The following PLAAT1 variants were observed in gnomAD, a reference collection of about 807,000 sequenced individuals.
PLAAT1 encodes the protein H-REV107 protein-related protein.
A neutral mutation model predicts 16.4 loss-of-function variants in PLAAT1; 13 were observed. The observed-to-expected ratio is 0.79, with a 90% confidence interval of 0.52 to 1.26. The LOEUF is 1.26. Ranked by LOEUF, PLAAT1 falls within the 50% of genes most tolerant of loss-of-function variation. PLAAT1 has a pLI of 0.00. For missense variants in PLAAT1, 218 were observed against 207.8 expected, an observed-to-expected ratio of 1.05 and a Z score of -0.30; for synonymous variants, 73 against 78.4, an observed-to-expected ratio of 0.93 and a Z score of 0.36.
downstream of PLAAT1, chr3:193,275,247 A>C (rs756610216): frequency 4.3e-6 from 7 of 1,614,128 alleles, no homozygotes; most frequent in Non-Finnish European, 5.1e-6. Context: ...TTTAGAGTAG[A>C]ATCCAAATTC....
intron 1 of PLAAT1, among the ~76,000 whole-genome samples, chr3:193,245,944 T>C (rs914793060): frequency 6.6e-5 from 10 of 152,248 alleles, no homozygotes; most frequent in Non-Finnish European, 1.3e-4. Context: ...CCATAGCAAA[T>C]GTGCAGTTTA....
chr3:193,278,248 C>A (rs1037343010), downstream of PLAAT1, among the ~76,000 whole-genome samples: 1 of 152,206 alleles, frequency 6.6e-6, no homozygotes, highest in Non-Finnish European at 1.5e-5. Context: ...CTTGGGTTTT[C>A]ATTTCCTAAT....
downstream of PLAAT1, chr3:193,279,575 TATATCCTC>T (rs1201682177): frequency 1.4e-6 from 1 of 694,172 alleles, no homozygotes; most frequent in Admixed American, 2.4e-5. Flanking sequence ...GATGTTTTGA[TATATCCTC>T]ATATGTTTTG....
intron 1 of PLAAT1, among the ~76,000 whole-genome samples, chr3:193,251,675 T>C (rs916181762): frequency 6.6e-6 from 1 of 152,164 alleles, no homozygotes; most frequent in African/African-American, 2.4e-5. Context: ...AGGAGTTGGG[T>C]TCCCTTCCTG....
At position 193,270,689 on chromosome 3, in the gene PLAAT1, GA is replaced by G; in HGVS notation, c.492del (p.Ala165GlnfsTer12). The stretch of plus-strand genomic sequence containing the variant: ...CTGGGCTTGTTTCCAAAAGGACAAA[GA>G]GCAAAATACTATTAACAATTTACCA... ...SFLGLFPKGQRAKYY is the reference protein window; with the variant it reads ...SFLGLFPKGQXAKYY On this transcript the variant is annotated frameshift_variant, in exon 4 of 4. Transcript: ENST00000264735. LOFTEE classifies it high-confidence loss of function. 6.2e-7 allele frequency: 1 copy of G among 1,613,152 alleles called. No homozygotes were observed. The highest frequency in any genetic ancestry group is 8.5e-7 in the Non-Finnish European group (1 of 1,179,438).
chr3:193,261,515 A>G (rs1458721187), intron 2 of PLAAT1, among the ~76,000 whole-genome samples: 1 of 152,200 alleles, frequency 6.6e-6, no homozygotes. Flanking sequence ...CAACATTTTA[A>G]AGTATTTGCC....
At chr3:193,255,237 A>G (rs1276722140) in intron 1 of PLAAT1, among the ~76,000 whole-genome samples, 2 of 152,156 alleles carry the variant, frequency 1.3e-5, no homozygotes, top group African/African-American at 4.8e-5. Context: ...TAGTAAACAG[A>G]TATTATATGT....
chr3:193,266,716 T>C (rs1468180066), intron 3 of PLAAT1, among the ~76,000 whole-genome samples: 1 of 152,154 alleles, frequency 6.6e-6, no homozygotes, highest in Non-Finnish European at 1.5e-5. Context: ...TCCCAATAAA[T>C]AGCATGCCCA....
intron 3 of PLAAT1, 100 bp from the exon 4 acceptor site, chr3:193,270,504 A>G (rs1458184435): frequency 9.9e-7 from 1 of 1,005,448 alleles, no homozygotes; most frequent in Non-Finnish European, 1.4e-6. Context: ...TTGTACATTA[A>G]AACAGGTGTT....
At chr3:193,277,087 C>T (rs2108812069) in intron 2 of PLAAT1, among the ~76,000 whole-genome samples, 1 of 152,156 alleles carries the variant, frequency 6.6e-6, no homozygotes, top group Middle Eastern at 3.4e-3. Context: ...AGAAATGTGC[C>T]CTGAATCACA....
chr3:193,275,273 C>G, downstream of PLAAT1: 1 of 1,613,760 alleles, frequency 6.2e-7, no homozygotes. Context: ...TGATCAACAG[C>G]CAGAGTTCAT....
intron 3 of PLAAT1, among the ~76,000 whole-genome samples, chr3:193,266,615 ACTGTTTATCAGT>A (rs1716785437): frequency 6.6e-6 from 1 of 152,102 alleles, no homozygotes; most frequent in Non-Finnish European, 1.5e-5. Flanking sequence ...CCTTGAACCC[ACTGTTTATCAGT>A]CTTCTAATCA....
intron 1 of PLAAT1, among the ~76,000 whole-genome samples, chr3:193,251,824 AATTG>A (rs900880835): frequency 6.6e-6 from 1 of 152,010 alleles, no homozygotes; most frequent in African/African-American, 2.4e-5. Context: ...TTTTGGAGAT[AATTG>A]ATCTGTGTGT....
In PLAAT1 at chr3:193,255,768, G is replaced by A. The variant is rs559521756; in HGVS notation, c.118G>A (p.Val40Ile). The change falls in exon 2 of 4, where the codon GTT becomes ATT. Residue 40 changes from valine (V) to isoleucine (I), a missense_variant. Transcript: ENST00000264735. ...GGCCCTGTACTTGGGTGATGGTTAC[G>A]TTATCAACATAGCACCTGTAGGTGA... ...HWALYLGDGY[V>I]INIAPVDGIP... is the part of the protein sequence containing the mutation. The A allele has an allele frequency of 5.6e-6, 9 of 1,609,352 alleles. No homozygotes were observed. The highest frequency in any genetic ancestry group is 3.3e-5 in the South Asian group (3 of 90,078).
downstream of PLAAT1, among the ~76,000 whole-genome samples, chr3:193,272,782 G>A (rs1215614883): frequency 6.7e-6 from 1 of 150,058 alleles, no homozygotes; most frequent in East Asian, 2.0e-4. Flanking sequence ...CATTGGTAGT[G>A]TTTGAGGGTG....
At chr3:193,249,982 T>C (rs561708136) in intron 1 of PLAAT1, among the ~76,000 whole-genome samples, 1 of 152,224 alleles carries the variant, frequency 6.6e-6, no homozygotes, top group Admixed American at 6.5e-5. Context: ...TTCATTAGAG[T>C]CACTTTCTGG....
intron 2 of PLAAT1, among the ~76,000 whole-genome samples, chr3:193,257,404 G>T (rs1162284884): frequency 6.6e-6 from 1 of 152,152 alleles, no homozygotes; most frequent in Non-Finnish European, 1.5e-5. Context: ...ATGTTTTATT[G>T]CAGGGAAGAT....
At chr3:193,276,901 T>G (rs953807888) in intron 2 of PLAAT1, 166 of 1,121,674 alleles carry the variant, frequency 1.5e-4, no homozygotes, top group Non-Finnish European at 3.0e-5. Context: ...TATTAATTAT[T>G]TAATTTATAG....
chr3:193,276,181 G>A (rs1195961185), intron 2 of PLAAT1, among the ~76,000 whole-genome samples: 1 of 152,042 alleles, frequency 6.6e-6, no homozygotes, highest in East Asian at 1.9e-4. Context: ...AAGTCTTAAA[G>A]CACATGAGTT....
Sources: gnomAD v4.1 joint callset for allele counts (sites outside exome capture counted in the v4.1 genomes callset) on GRCh38, gnomAD v4.1.1 for gene constraint, MANE v1.5 for transcripts, NCBI Gene and HGNC (gene_info 2026-07-23, HGNC 2026-07-21) for gene names.